The following LAMB4 variants were observed in gnomAD, a reference collection of about 807,000 sequenced individuals.
LAMB4 encodes the protein laminin subunit beta-4.
Under a neutral mutation model 199.2 loss-of-function variants are expected in LAMB4, and 196 were observed. The observed-to-expected ratio is 0.98, with a 90% CI of 0.88 to 1.11. LAMB4 has a LOEUF of 1.11. LAMB4 is among the 50% of genes least tolerant of loss of function. The pLI, the probability that LAMB4 is intolerant of heterozygous loss-of-function variation, is 0.00. For synonymous variants in LAMB4, 744 were observed against 770.6 expected (o/e 0.97, Z 0.57); for missense variants, 2,080 against 2,171.2 (o/e 0.96, Z 0.83).
Position 108,030,943 on chromosome 7 carries a change from C to T in LAMB4, c.4855G>A (p.Glu1619Lys). Residue 1619 changes from glutamate (E) to lysine (K), a missense_variant, in exon 32 of 34, where the codon GAG becomes AAG. Physicochemically the swap from Glu to Lys is moderately conservative, Grantham distance 56. Transcript: ENST00000388781. Reference protein sequence around the residue: ...NQTREMKSELELAKQRSGLED... With the variant: ...NQTREMKSELKLAKQRSGLED... Reference sequence around the variant, plus strand: ...AGCCCTGATCGCTGCTTTGCTAACTCCAGCTCACTCTTCATTTCCCTGGTT... The same window carrying T: ...AGCCCTGATCGCTGCTTTGCTAACTTCAGCTCACTCTTCATTTCCCTGGTT... 1 of 1,613,834 alleles carries T rather than the reference C, an allele frequency of 6.2e-7. No individual in the cohort carries two copies. The highest frequency in any genetic ancestry group is 1.1e-5 in the South Asian group (1 of 91,028).
chr7:108,106,773 C>T (rs1033119944), intron 6 of LAMB4, among the ~76,000 whole-genome samples: 3 of 151,928 alleles, frequency 2.0e-5, no homozygotes, highest in African/African-American at 7.3e-5. Flanking sequence ...CCCTATGTTG[C>T]CCAGGCTGGT....
chr7:108,076,547 T>C (rs1189899358), intron 17 of LAMB4, among the ~76,000 whole-genome samples: 4 of 152,164 alleles, frequency 2.6e-5, no homozygotes, highest in Non-Finnish European at 5.9e-5. Context: ...ATTAATGTGG[T>C]TGGATTTCTT....
rs189715083 is a variant in LAMB4 at position 108,105,845 on chromosome 7, C to A, written c.842G>T (p.Arg281Leu). The change falls in exon 8 of 34, where the codon CGG becomes CTG. Residue 281 changes from arginine (R) to leucine (L), a missense_variant. Coordinates refer to ENST00000388781, the MANE Select transcript of LAMB4 (RefSeq NM_007356.3). ...TCCAGGAGGGCTGAAAACATCTCCC[C>A]GCATCTTCTGCATAGGGCGACATTC... Reference protein sequence around the residue: ...ASECRPMQKMRGDVFSPPGMV... With the variant: ...ASECRPMQKMLGDVFSPPGMV... 4 of 1,614,082 alleles carry A rather than the reference C, an allele frequency of 2.5e-6. No individual in the cohort carries two copies. Among genetic ancestry groups the A allele is most frequent in the South Asian group, 1.1e-5 (1 of 91,090 alleles).
At chr7:108,120,826 G>A (rs1386047139) in intron 2 of LAMB4, among the ~76,000 whole-genome samples, 3 of 152,094 alleles carry the variant, frequency 2.0e-5, no homozygotes, top group Middle Eastern at 3.4e-3. Context: ...TGGAATTGTT[G>A]CCTTAGAGAT....
chr7:108,096,580 C>A (rs1234162381), intron 11 of LAMB4, among the ~76,000 whole-genome samples: 1 of 151,902 alleles, frequency 6.6e-6, no homozygotes, highest in African/African-American at 2.4e-5. Context: ...TTCCAATATA[C>A]TAAAAATTAT....
At chr7:108,067,778 C>G (rs1275366568) in intron 19 of LAMB4, among the ~76,000 whole-genome samples, 1 of 152,192 alleles carries the variant, frequency 6.6e-6, no homozygotes, top group East Asian at 1.9e-4. Flanking sequence ...ATGGACTATG[C>G]CTTGTTCATT....
chr7:108,028,723 C>T (rs1410662784), intron 33 of LAMB4, among the ~76,000 whole-genome samples: 4 of 151,896 alleles, frequency 2.6e-5, no homozygotes, highest in African/African-American at 4.8e-5. Context: ...GTGATCCACC[C>T]GCCTTGGCCT....
rs1584662324 is a variant in LAMB4 at position 108,062,891 on chromosome 7, A to G, written c.3165T>C (p.Asn1055=). The G allele has an allele frequency of 1.2e-6, 2 of 1,609,276 alleles. No homozygotes were observed. The highest frequency in any genetic ancestry group is 4.5e-5 in the East Asian group (2 of 44,384). Residue 1055 remains asparagine, a synonymous_variant, in exon 23 of 34, where the codon AAT becomes AAC. Coordinates refer to ENST00000388781, the MANE Select transcript of LAMB4 (RefSeq NM_007356.3). ...PVTGACPCLP[N]VTGLACDRCA... ...AACGGTCACAGGCCAGGCCTGTGAC[A>G]TTCGGCAGACAAGGACATGCACCAG...
chr7:108,077,349 C>T (rs112768721), intron 16 of LAMB4, among the ~76,000 whole-genome samples: 116 of 152,208 alleles, frequency 7.6e-4, no homozygotes, highest in African/African-American at 2.5e-3. Flanking sequence ...TACAGAGGTC[C>T]TCATCCCGTC....
chr7:108,091,622 G>A lies in LAMB4; in HGVS notation c.1701+4C>T, dbSNP rs1276172166. On this transcript the variant is annotated splice_donor_region_variant and intron_variant, in intron 14 of 33. Transcript: ENST00000388781. ...TCTGTAGGGAAAGTAAATGAAATAC[G>A]AACCAAAGGCGCCAGTCCTTGGAGT... 1.6e-5 allele frequency: 26 copies of A among 1,611,580 alleles called. No individual in the cohort carries two copies. The highest frequency in any genetic ancestry group is 4.0e-5 in the African/African-American group (3 of 74,656).
chr7:108,072,360 A>G (rs1448672389), intron 17 of LAMB4, among the ~76,000 whole-genome samples: 2 of 152,010 alleles, frequency 1.3e-5, no homozygotes, highest in Non-Finnish European at 2.9e-5. Flanking sequence ...AAGTCTGATG[A>G]TTTATTTATC....
chr7:108,128,416 C>T (rs117913277), intron 1 of LAMB4, among the ~76,000 whole-genome samples: 1 of 152,160 alleles, frequency 6.6e-6, no homozygotes, highest in East Asian at 1.9e-4. Context: ...TATTTCTGGG[C>T]CCTACAACAT....
chr7:108,109,261 A>G lies in LAMB4; in HGVS notation c.329-17T>C. 1.9e-6 allele frequency: 3 copies of G among 1,584,424 alleles called. No homozygotes were observed. Among genetic ancestry groups the G allele is most frequent in the Non-Finnish European group, 2.6e-6 (3 of 1,154,882 alleles). On this transcript the variant is annotated splice_polypyrimidine_tract_variant and intron_variant, in intron 4 of 33. Coordinates refer to ENST00000388781, the MANE Select transcript of LAMB4 (RefSeq NM_007356.3). ...GATCAAGACCTAAGGAAGAATCCAG[A>G]AAGAAGAAAATCAGTGATTTTGAGA... is the stretch of plus-strand genomic sequence containing the variant.
intron 10 of LAMB4, among the ~76,000 whole-genome samples, chr7:108,100,098 AT>A (rs1000087279): frequency 6.6e-6 from 1 of 152,236 alleles, no homozygotes; most frequent in Non-Finnish European, 1.5e-5. Flanking sequence ...GAATAATTTA[AT>A]TATGCACAGA....
intron 13 of LAMB4, 72 bp downstream of exon 13, chr7:108,092,265 A>G: frequency 8.6e-7 from 1 of 1,158,736 alleles, no homozygotes; most frequent in Non-Finnish European, 1.3e-6. Flanking sequence ...ACCTATGACT[A>G]TGAGCGTATC....
intron 5 of LAMB4, among the ~76,000 whole-genome samples, chr7:108,108,733 A>T (rs1463424962): frequency 6.6e-6 from 1 of 151,900 alleles, no homozygotes; most frequent in Non-Finnish European, 1.5e-5. Context: ...CAAAATTAGA[A>T]TTTTCCTGAA....
intron 2 of LAMB4, among the ~76,000 whole-genome samples, chr7:108,120,878 G>A (rs998564528): frequency 2.0e-5 from 3 of 151,868 alleles, no homozygotes; most frequent in Non-Finnish European, 4.4e-5. Flanking sequence ...ACTTGTTTTT[G>A]TCAGAATTTT....
rs540811667 is a variant in LAMB4 at position 108,125,220 on chromosome 7, C to A, written c.-33-2023G>T. Among the ~76,000 whole-genome samples, 10 of 152,222 alleles carry A rather than the reference C, an allele frequency of 6.6e-5. No homozygotes were observed. In the South Asian group the frequency reaches 2.1e-3, roughly 32 times the overall value. On this transcript the variant is annotated intron_variant, in intron 1 of 33. Coordinates refer to ENST00000388781, the MANE Select transcript of LAMB4 (RefSeq NM_007356.3). ...GTCCATTCTGTATAGGCCACCCGAA[C>A]CTGCACAGGCACTTTTCTAGGTGGT...
Position 108,098,519 on chromosome 7 carries a change from G to A in LAMB4, c.1244C>T (p.Ala415Val), listed in dbSNP as rs753754788. ...GGICVSHSDP[A>V]LGSVAGQCLC... ...GCACTGGCCGGCCACAGACCCTAAG[G>A]CAGGATCAGAGTGGCTCACACAAAT... is the stretch of plus-strand genomic sequence containing the variant. The change falls in exon 11 of 34, where the codon GCC becomes GTC. Residue 415 changes from alanine to valine, a missense_variant. Physicochemically the swap from Ala to Val is moderately conservative, Grantham distance 64. Transcript: ENST00000388781. The A allele has an allele frequency of 6.2e-7, 1 of 1,613,790 alleles. No homozygotes were observed. Among genetic ancestry groups the A allele is most frequent in the East Asian group, 2.2e-5 (1 of 44,882 alleles).
Sources: gnomAD v4.1 joint callset for allele counts (sites outside exome capture counted in the v4.1 genomes callset) on GRCh38, gnomAD v4.1.1 for gene constraint, MANE v1.5 for transcripts, NCBI Gene and HGNC (gene_info 2026-07-23, HGNC 2026-07-21) for gene names.